Variants in OCA2 observed in about 807,000 individuals in gnomAD.
OCA2 encodes the protein P protein.
A neutral mutation model predicts 100.2 loss-of-function variants in OCA2; 77 were observed. The observed-to-expected ratio is 0.77, with a 90% CI of 0.64 to 0.93. The LOEUF (loss-of-function observed/expected upper bound fraction) is 0.93, where lower values mean the gene tolerates loss of function less well. Among genes scored for constraint, OCA2 ranks in the 40% least tolerant of loss-of-function variants. OCA2 has a pLI of 0.00. For synonymous variants in OCA2, 432 were observed against 439.2 expected (o/e 0.98, Z 0.21); for missense variants, 1,062 against 1,089.1 (o/e 0.98, Z 0.35).
intron 21 of OCA2, among the ~76,000 whole-genome samples, chr15:27,861,932 C>T (rs1414361458): frequency 1.3e-5 from 2 of 152,158 alleles, no homozygotes; most frequent in Non-Finnish European, 2.9e-5. Flanking sequence ...CACCGGTCTT[C>T]GTTGGGAGCC....
intron 18 of OCA2, among the ~76,000 whole-genome samples, chr15:27,941,760 T>C (rs2039656449): frequency 6.6e-6 from 1 of 152,166 alleles, no homozygotes; most frequent in African/African-American, 2.4e-5. Context: ...GCAAAAATGC[T>C]CCAGAGTTAG....
intron 9 of OCA2, among the ~76,000 whole-genome samples, chr15:27,992,803 T>C (rs1288646056): frequency 1.3e-5 from 2 of 152,150 alleles, no homozygotes; most frequent in African/African-American, 4.8e-5. Flanking sequence ...TAACTTTGTC[T>C]GGACGGAAAG....
chr15:27,899,884 C>T (rs953500589), intron 19 of OCA2, among the ~76,000 whole-genome samples: 1 of 152,172 alleles, frequency 6.6e-6, no homozygotes, highest in Non-Finnish European at 1.5e-5. Flanking sequence ...GAGATAGGAG[C>T]ACTCCCTCCC....
chr15:27,851,568 A>G, intron 21 of OCA2, 93 bp from the exon 22 acceptor site: 2 of 998,618 alleles, frequency 2.0e-6, no homozygotes, highest in Non-Finnish European at 1.6e-6. Context: ...ATGCTTTCTC[A>G]GCATTCAAAC....
chr15:28,016,505 G>A (rs190090069), intron 7 of OCA2, among the ~76,000 whole-genome samples: 135 of 152,366 alleles, frequency 8.9e-4, no homozygotes, highest in African/African-American at 2.8e-3. Context: ...ATGCCCAGAC[G>A]CGCTGGCTCA....
At chr15:28,070,361 G>A (rs2044205046) in intron 2 of OCA2, among the ~76,000 whole-genome samples, 2 of 142,034 alleles carry the variant, frequency 1.4e-5, no homozygotes, top group East Asian at 2.2e-4. Flanking sequence ...GGGAGGTGAG[G>A]GGCACCTCTG....
At chr15:27,814,469 T>C (rs1346115266) in intron 23 of OCA2, among the ~76,000 whole-genome samples, 1 of 152,224 alleles carries the variant, frequency 6.6e-6, no homozygotes, top group African/African-American at 2.4e-5. Context: ...ATCCACTGAA[T>C]AGTCATGGGA....
At chr15:27,871,456 G>C (rs1053115718) in intron 20 of OCA2, among the ~76,000 whole-genome samples, 198 bp from the exon 21 acceptor site, 8 of 152,218 alleles carry the variant, frequency 5.3e-5, no homozygotes, top group Non-Finnish European at 1.2e-4. Flanking sequence ...GCAAAGCCCA[G>C]CCATGCCCAG....
At chr15:27,817,024 C>T (rs1186938389) in intron 23 of OCA2, among the ~76,000 whole-genome samples, 2 of 152,188 alleles carry the variant, frequency 1.3e-5, no homozygotes, top group African/African-American at 4.8e-5. Flanking sequence ...TCACCACTTA[C>T]TTGACCTGAT....
intron 6 of OCA2, 100 bp from the exon 7 acceptor site, chr15:28,018,657 T>C: frequency 8.5e-7 from 1 of 1,180,684 alleles, no homozygotes; most frequent in Non-Finnish European, 1.2e-6. Context: ...TGTGAAGAAA[T>C]GCGTTTCCCC....
intron 14 of OCA2, among the ~76,000 whole-genome samples, chr15:27,973,491 A>G (rs1313236293): frequency 6.6e-6 from 1 of 152,084 alleles, no homozygotes; most frequent in Non-Finnish European, 1.5e-5. Context: ...AGTTGGTTGT[A>G]AGTATTTGGC....
intron 9 of OCA2, among the ~76,000 whole-genome samples, chr15:28,004,267 C>G (rs1325413197): frequency 6.7e-6 from 1 of 148,528 alleles, no homozygotes; most frequent in Non-Finnish European, 1.5e-5. Flanking sequence ...CTCTCAGCCC[C>G]CCTGCTAGGC....
At chr15:27,876,046 C>T (rs2036776459) in intron 19 of OCA2, among the ~76,000 whole-genome samples, 1 of 152,042 alleles carries the variant, frequency 6.6e-6, no homozygotes. Context: ...CTAGGCCCTT[C>T]AGTACATTGA....
At chr15:27,991,575 G>C (rs568303194) in intron 9 of OCA2, among the ~76,000 whole-genome samples, 18 of 152,264 alleles carry the variant, frequency 1.2e-4, no homozygotes, top group Middle Eastern at 3.4e-3. Flanking sequence ...AAGCAACAAA[G>C]GTTGACTGGA....
intron 4 of OCA2, among the ~76,000 whole-genome samples, chr15:28,027,350 C>T (rs1260568898): frequency 6.6e-6 from 1 of 152,236 alleles, no homozygotes; most frequent in Non-Finnish European, 1.5e-5. Context: ...CCAAGCATGG[C>T]TCTGTGCTCC....
chr15:28,032,094 A>C lies in OCA2; in HGVS notation c.297T>G (p.Pro99=), dbSNP rs751384515. The C allele has an allele frequency of 1.9e-6, 3 of 1,613,976 alleles. No homozygotes were observed. The highest frequency in any genetic ancestry group is 2.2e-5 in the South Asian group (2 of 91,066). The change falls in exon 3 of 24, where the codon CCT becomes CCG. Residue 99 remains proline (P), a synonymous_variant. Coordinates refer to ENST00000354638, the MANE Select transcript of OCA2 (RefSeq NM_000275.3). ...SKDSCFTENT[P]LLRNSLQEKG... is the part of the protein sequence containing the mutation. ...TCTCCTGTAAGGAATTCCTCAGCAA[A>C]GGAGTGTTTTCTGTAAAGCAGGAAT...
intron 2 of OCA2, among the ~76,000 whole-genome samples, chr15:28,067,559 C>A (rs1283045811): frequency 6.6e-6 from 1 of 152,044 alleles, no homozygotes; most frequent in African/African-American, 2.4e-5. Context: ...TTTAAATAAT[C>A]ATTTTTTATT....
At chr15:28,019,572 T>C (rs1051527920) in intron 6 of OCA2, among the ~76,000 whole-genome samples, 3 of 152,128 alleles carry the variant, frequency 2.0e-5, no homozygotes, top group Non-Finnish European at 2.9e-5. Flanking sequence ...GGCTTCGCTA[T>C]TCACCGGCTA....
chr15:27,790,327 A>G (rs891672450), intron 23 of OCA2, among the ~76,000 whole-genome samples: 2 of 152,240 alleles, frequency 1.3e-5, no homozygotes, highest in African/African-American at 4.8e-5. Flanking sequence ...TATAGCAACT[A>G]TGGAAAATTA....
Sources: allele counts gnomAD v4.1 joint callset (sites outside exome capture counted in the v4.1 genomes callset), GRCh38; gene constraint gnomAD v4.1.1; transcripts MANE v1.5; gene names NCBI Gene and HGNC (gene_info 2026-07-23, HGNC 2026-07-21).